The following ATP6V0A4 variants were observed in gnomAD, a reference collection of about 807,000 sequenced individuals.
The protein encoded by ATP6V0A4 is ATPase H+ transporting V0 subunit a4.
In ATP6V0A4, 86 loss-of-function variants were observed where a neutral mutation model predicts 107.3. The observed-to-expected ratio is 0.80, with a 90% CI of 0.67 to 0.96. The LOEUF (loss-of-function observed/expected upper bound fraction) is 0.96, where lower values mean the gene tolerates loss of function less well. ATP6V0A4 is among the 40% of genes least tolerant of loss of function. The probability of loss-of-function intolerance (pLI) is 0.00; values close to 1 mark genes in which losing one functional copy is unlikely to be tolerated. For missense variants in ATP6V0A4, 908 were observed against 1,045.6 expected (o/e 0.87, Z 1.81); for synonymous variants, 353 against 381.4 (o/e 0.93, Z 0.87).
Position 138,745,266 on chromosome 7 carries a change from G to C in ATP6V0A4, c.1335C>G (p.Phe445Leu). The C allele has an allele frequency of 6.2e-7, 1 of 1,614,142 alleles. No homozygotes were observed. The highest frequency in any genetic ancestry group is 8.5e-7 in the Non-Finnish European group (1 of 1,180,006). ...GTAGGATCAGATAGCGCCCGTGGAA[G>C]AAGGTGTTCCAAATCTGGCCTCAGA... ...QKTDNEIWNT[F>L]FHGRYLILLM... The change falls in exon 14 of 22, where the codon TTC becomes TTG. Residue 445 changes from phenylalanine (F) to leucine (L), a missense_variant. By Grantham distance (22) the Phe-to-Leu change is conservative. Coordinates refer to ENST00000310018, the MANE Select transcript of ATP6V0A4 (RefSeq NM_020632.3).
intron 2 of ATP6V0A4, among the ~76,000 whole-genome samples, chr7:138,780,917 T>TA (rs908175147): frequency 1.5e-4 from 22 of 148,200 alleles, no homozygotes; most frequent in Admixed American, 2.7e-4. Context: ...AAAGAAAAAA[T>TA]AAAAAAAAAA....
intron 3 of ATP6V0A4, among the ~76,000 whole-genome samples, chr7:138,769,778 T>A (rs1274009740): frequency 1.3e-5 from 2 of 152,130 alleles, no homozygotes; most frequent in Non-Finnish European, 2.9e-5. Flanking sequence ...CTCTCGTTTC[T>A]AAAAGAAACA....
intron 1 of ATP6V0A4, among the ~76,000 whole-genome samples, chr7:138,796,843 G>C (rs1245391390): frequency 6.7e-6 from 1 of 149,342 alleles, no homozygotes; most frequent in Non-Finnish European, 1.5e-5. Context: ...TCAGTCTCCA[G>C]TGCCTAGGAT....
In ATP6V0A4 at chr7:138,798,172, C is replaced by T. The variant is rs767692106; in HGVS notation, c.-259G>A. The T allele has an allele frequency of 3.8e-5, 61 of 1,594,578 alleles. No homozygotes were observed. Among genetic ancestry groups the T allele is most frequent in the Admixed American group, 7.1e-5 (4 of 56,566 alleles). Reference sequence around the variant, plus strand: ...AGCCTGGCCTTTGCCTCCCTCCACTCGGCTTGCTCGGCAGGTAGCGTTATG... The same window carrying T: ...AGCCTGGCCTTTGCCTCCCTCCACTTGGCTTGCTCGGCAGGTAGCGTTATG... On this transcript the variant is annotated 5_prime_UTR_variant, in exon 1 of 22. Transcript: ENST00000310018.
At position 138,762,493 on chromosome 7, in the gene ATP6V0A4, C is replaced by G. The variant is rs538388988; in HGVS notation, c.418-59G>C. On this transcript the variant is annotated intron_variant, in intron 6 of 21. Coordinates refer to ENST00000310018, the MANE Select transcript of ATP6V0A4 (RefSeq NM_020632.3). ...TATATTTAGGGAAACTCAAAAGGCA[C>G]CTACACCTCAAGATTTTCTCTGGTT... 13 of 1,603,514 alleles carry G rather than the reference C, an allele frequency of 8.1e-6. No homozygotes were observed. The South Asian group carries it at 1.3e-4, about 16-fold the overall frequency.
chr7:138,754,460 A>G (rs1435336855), intron 10 of ATP6V0A4, among the ~76,000 whole-genome samples: 1 of 151,878 alleles, frequency 6.6e-6, no homozygotes, highest in African/African-American at 2.4e-5. Context: ...AAAAAAAAAA[A>G]AAAAAAATTA....
intron 15 of ATP6V0A4, among the ~76,000 whole-genome samples, chr7:138,737,108 C>A (rs1465344288): frequency 1.1e-4 from 5 of 46,170 alleles, no homozygotes; most frequent in African/African-American, 3.7e-4. Flanking sequence ...AAAAGTAAGC[C>A]CTTATTAATA....
intron 5 of ATP6V0A4, 200 bp from the exon 6 acceptor site, chr7:138,763,225 T>G: frequency 3.0e-6 from 1 of 329,780 alleles, no homozygotes. Flanking sequence ...GCATGCTCTC[T>G]TAAGAGTTCC....
In ATP6V0A4 at chr7:138,771,232, G is replaced by A. The variant is rs769417807; in HGVS notation, c.16C>T (p.Arg6Ter). The A allele has an allele frequency of 1.1e-5, 18 of 1,613,576 alleles. No individual in the cohort carries two copies. Among genetic ancestry groups the A allele is most frequent in the Middle Eastern group, 1.6e-4 (1 of 6,062 alleles). The change falls in exon 3 of 22, where the codon CGA becomes TGA. Residue 6 changes from arginine (R) to a stop codon, truncating the protein, a stop_gained. Coordinates refer to ENST00000310018, the MANE Select transcript of ATP6V0A4 (RefSeq NM_020632.3). LOFTEE classifies it high-confidence loss of function. Reference sequence around the variant, plus strand: ...TGTGACAAACACATCTCCTCGCTTCGAAACACAGACACCATCTTGGCCCAG... The same window carrying A: ...TGTGACAAACACATCTCCTCGCTTCAAAACACAGACACCATCTTGGCCCAG... MVSVF[R>*]SEEMCLSQLF...
At chr7:138,728,945 C>G in intron 17 of ATP6V0A4, 83 bp from the exon 18 acceptor site, 1 of 1,608,878 alleles carries the variant, frequency 6.2e-7, no homozygotes, top group Non-Finnish European at 8.5e-7. Context: ...CCACTATGGG[C>G]CACTTCACTA....
intron 10 of ATP6V0A4, 93 bp from the exon 11 acceptor site, chr7:138,752,930 T>G: frequency 6.4e-7 from 1 of 1,556,290 alleles, no homozygotes; most frequent in Admixed American, 1.9e-5. Flanking sequence ...CACAGCAGCT[T>G]CCTCTGCTCT....
In ATP6V0A4 at chr7:138,709,806, C is replaced by T. The variant is rs116649489; in HGVS notation, c.2258-11G>A. 6.2e-4 allele frequency: 993 copies of T among 1,613,214 alleles called. 6 individuals are homozygous for T. In the African/African-American group the frequency reaches 0.011, roughly 18 times the overall value. ...GCACTTCAGACAGTTCTGCAAGGTA[C>T]GAGAAACCACTGGGATTATCTTGTA... is the stretch of plus-strand genomic sequence containing the variant. On this transcript the variant is annotated splice_polypyrimidine_tract_variant and intron_variant, in intron 20 of 21. Transcript: ENST00000310018.
intron 17 of ATP6V0A4, 83 bp downstream of exon 17, chr7:138,732,793 CA>C (rs1222586282): frequency 0.089 from 88,038 of 985,864 alleles, no homozygotes; most frequent in South Asian, 0.12. Context: ...GACTCTTTCT[CA>C]AAAAAAAAAA....
chr7:138,775,867 G>C (rs1240906402), intron 2 of ATP6V0A4, among the ~76,000 whole-genome samples: 2 of 152,072 alleles, frequency 1.3e-5, no homozygotes, highest in Non-Finnish European at 2.9e-5. Context: ...AGCCAGGATG[G>C]TCTCGATCTC....
At position 138,723,523 on chromosome 7, in the gene ATP6V0A4, C is replaced by CTTTT. The variant is rs10528520; in HGVS notation, c.2011-1502_2011-1499dup. The stretch of plus-strand genomic sequence containing the variant: ...ACGTATCTGGACCCTTCTTTCTTTT[C>CTTTT]TTTTTTTTTTTTTTTTTTTTGAGAA... On this transcript the variant is annotated intron_variant, in intron 18 of 21. Coordinates refer to ENST00000310018, the MANE Select transcript of ATP6V0A4 (RefSeq NM_020632.3). Among the ~76,000 whole-genome samples, 132 of 128,222 alleles carry CTTTT rather than the reference C, an allele frequency of 1.0e-3. 2 individuals are homozygous for CTTTT. The highest frequency in any genetic ancestry group is 8.4e-3 in the Middle Eastern group (2 of 238). The allele number at this position is 128,222 out of a possible 152,430, so 84.1% of individuals were successfully genotyped here. A position where few individuals can be genotyped will look rare whatever the true frequency, so the allele number is the denominator to read the frequency against.
At chr7:138,790,835 T>C (rs182963462) in intron 1 of ATP6V0A4, among the ~76,000 whole-genome samples, 19 of 152,326 alleles carry the variant, frequency 1.2e-4, no homozygotes, top group African/African-American at 4.1e-4. Flanking sequence ...AGCAGATTTG[T>C]GTTGCCCCCA....
intron 1 of ATP6V0A4, among the ~76,000 whole-genome samples, chr7:138,791,856 G>A (rs908853123): frequency 6.6e-6 from 1 of 152,146 alleles, no homozygotes; most frequent in Non-Finnish European, 1.5e-5. Context: ...TGGAAGACCA[G>A]ACATGCAGAA....
At chr7:138,780,495 C>T (rs1365182523) in intron 2 of ATP6V0A4, among the ~76,000 whole-genome samples, 1 of 152,174 alleles carries the variant, frequency 6.6e-6, no homozygotes, top group Non-Finnish European at 1.5e-5. Context: ...TGGCGGATCA[C>T]CCCAGGGAAT....
intron 1 of ATP6V0A4, among the ~76,000 whole-genome samples, chr7:138,795,954 C>T (rs1048983571): frequency 1.3e-5 from 2 of 152,160 alleles, no homozygotes; most frequent in African/African-American, 2.4e-5. Flanking sequence ...TATGCCTGGT[C>T]TGTTCTTCAA....
Sources: gnomAD v4.1 joint callset for allele counts (sites outside exome capture counted in the v4.1 genomes callset) on GRCh38, gnomAD v4.1.1 for gene constraint, MANE v1.5 for transcripts, NCBI Gene and HGNC (gene_info 2026-07-23, HGNC 2026-07-21) for gene names.